MLLT10: variants seen among roughly 807,000 people sequenced by gnomAD.
The protein encoded by MLLT10 is MLLT10 histone lysine methyltransferase DOT1L cofactor, also known as protein AF-10.
Under a neutral mutation model 129.1 loss-of-function variants are expected in MLLT10, and 30 were observed. That is an observed-to-expected ratio of 0.23 (90% CI 0.17 to 0.32). MLLT10 has a LOEUF of 0.32. Ranked by LOEUF, MLLT10 falls within the 10% of genes least tolerant of loss-of-function variation. MLLT10 has a pLI of 1.00. For synonymous variants in MLLT10, 490 were observed against 446.4 expected, an observed-to-expected ratio of 1.10 and a Z score of -1.23; for missense variants, 1,119 against 1,268.3, an observed-to-expected ratio of 0.88 and a Z score of 1.79.
At position 21,681,128 on chromosome 10, in the gene MLLT10, A is replaced by G. The variant is rs1369511740; in HGVS notation, c.1622-204A>G. 5.3e-5 allele frequency among the ~76,000 whole-genome samples: 8 copies of G among 152,128 alleles called. No homozygotes were observed. The East Asian group carries it at 1.5e-3, about 29-fold the overall frequency. ...CAGATACATTCCACACACTCCCATT[A>G]AGATTTGTGAGAATTCTATTCTGTT... On this transcript the variant is annotated intron_variant, in intron 11 of 22. Coordinates refer to ENST00000307729, the MANE Select transcript of MLLT10 (RefSeq NM_001195626.3).
At chr10:21,698,822 T>C (rs968474770) in intron 13 of MLLT10, among the ~76,000 whole-genome samples, 2 of 152,142 alleles carry the variant, frequency 1.3e-5, no homozygotes, top group African/African-American at 2.4e-5. Flanking sequence ...CCCTGATGAT[T>C]AGTGATGTTG....
chr10:21,568,294 G>C (rs959086116), intron 3 of MLLT10, among the ~76,000 whole-genome samples: 3 of 152,168 alleles, frequency 2.0e-5, no homozygotes, highest in African/African-American at 7.2e-5. Flanking sequence ...CCACCTTTCA[G>C]AGAAAATTCG....
chr10:21,577,904 TA>T (rs1426015236), intron 3 of MLLT10, among the ~76,000 whole-genome samples: 25 of 152,152 alleles, frequency 1.6e-4, no homozygotes, highest in Admixed American at 3.9e-4. Context: ...TTCATTATAT[TA>T]TTTTTTTAGA....
chr10:21,549,512 C>A (rs2130940547), intron 3 of MLLT10, among the ~76,000 whole-genome samples: 1 of 152,222 alleles, frequency 6.6e-6, no homozygotes, highest in East Asian at 1.9e-4. Flanking sequence ...CTGTATCAGC[C>A]TTAGCACATA....
intron 13 of MLLT10, among the ~76,000 whole-genome samples, chr10:21,707,876 A>G (rs1341084557): frequency 6.6e-6 from 1 of 152,168 alleles, no homozygotes; most frequent in Non-Finnish European, 1.5e-5. Context: ...GGTCTTTTGG[A>G]CAAGTTTTTC....
chr10:21,716,102 T>TG (rs1436659511), intron 14 of MLLT10, among the ~76,000 whole-genome samples: 1 of 152,230 alleles, frequency 6.6e-6, no homozygotes, highest in Non-Finnish European at 1.5e-5. Context: ...GTAATGGTGT[T>TG]GAATGTGAAA....
chr10:21,567,930 G>A (rs754784428), intron 3 of MLLT10, among the ~76,000 whole-genome samples: 5 of 150,858 alleles, frequency 3.3e-5, no homozygotes, highest in East Asian at 3.9e-4. Flanking sequence ...AGCAATTCTC[G>A]TGCCTCAGCC....
chr10:21,735,604 C>A (rs904795534), intron 21 of MLLT10, among the ~76,000 whole-genome samples: 1 of 152,020 alleles, frequency 6.6e-6, no homozygotes, highest in Non-Finnish European at 1.5e-5. Flanking sequence ...CATAGGGAAC[C>A]GAGGACCATT....
rs1458522663 is a variant in MLLT10, at chr10:21,534,538, TGCCGGGCCGGGCGGGGGGC to T, written c.-1+25_-1+43del. The T allele has an allele frequency of 2.9e-5, 28 of 980,032 alleles. No homozygotes were observed. Among genetic ancestry groups the T allele is most frequent in the East Asian group, 8.3e-5 (1 of 12,104 alleles). 60.7% of individuals were successfully genotyped at this position (980,032 alleles called of 1,614,324 possible). On this transcript the variant is annotated intron_variant, in intron 1 of 22. Transcript: ENST00000307729. ...AAGCCCGAGTGAGCGAGCGGTGGGC[TGCCGGGCCGGGCGGGGGGC>T]GCCGGGGCGGGCTCGGGGGGCTGTG...
chr10:21,540,805 C>T (rs1471786895), intron 3 of MLLT10, among the ~76,000 whole-genome samples: 7 of 152,144 alleles, frequency 4.6e-5, no homozygotes, highest in Non-Finnish European at 7.3e-5. Flanking sequence ...ATTTTAGCTT[C>T]TTTACCTAGG....
chr10:21,574,927 A>G (rs1438337033), intron 3 of MLLT10, among the ~76,000 whole-genome samples: 3 of 151,958 alleles, frequency 2.0e-5, no homozygotes, highest in Non-Finnish European at 4.4e-5. Flanking sequence ...CCAGCCTCCT[A>G]TCTCATTCTG....
intron 8 of MLLT10, among the ~76,000 whole-genome samples, chr10:21,630,594 C>A (rs1166948784): frequency 6.6e-6 from 1 of 152,178 alleles, no homozygotes; most frequent in Non-Finnish European, 1.5e-5. Context: ...GTAATTCAGT[C>A]CACTGTGTGT....
chr10:21,649,888 G>A (rs1275551438), intron 8 of MLLT10, among the ~76,000 whole-genome samples: 4 of 152,174 alleles, frequency 2.6e-5, no homozygotes, highest in Non-Finnish European at 4.4e-5. Flanking sequence ...GATGAGAAGA[G>A]CAGTGATAAC....
At chr10:21,552,735 G>C (rs974894953) in intron 3 of MLLT10, among the ~76,000 whole-genome samples, 2 of 151,912 alleles carry the variant, frequency 1.3e-5, no homozygotes, top group African/African-American at 4.8e-5. Context: ...TATCGTATTA[G>C]GTCGTTTATA....
At chr10:21,559,240 C>G (rs931743522) in intron 3 of MLLT10, among the ~76,000 whole-genome samples, 2 of 152,132 alleles carry the variant, frequency 1.3e-5, no homozygotes, top group Admixed American at 6.6e-5. Context: ...TCCGCCACCA[C>G]GCCTGACTAA....
At chr10:21,678,795 T>C (rs1031006976) in intron 11 of MLLT10, among the ~76,000 whole-genome samples, 1 of 152,320 alleles carries the variant, frequency 6.6e-6, no homozygotes, top group African/African-American at 2.4e-5. Flanking sequence ...TAATCTCTTA[T>C]TTGAGTACGT....
chr10:21,727,945 C>G lies in MLLT10; in HGVS notation c.2063+17C>G. The G allele has an allele frequency of 6.2e-7, 1 of 1,610,938 alleles. No individual in the cohort carries two copies. Among genetic ancestry groups the G allele is most frequent in the Non-Finnish European group, 8.5e-7 (1 of 1,177,480 alleles). ...CTCGCCACGGTAAGCGCTATTTACA[C>G]TGCAAAGTATAGGCAAAGGAAACGT... On this transcript the variant is annotated intron_variant, in intron 16 of 22. Transcript: ENST00000307729.
At chr10:21,599,694 A>T (rs979176894) in intron 5 of MLLT10, among the ~76,000 whole-genome samples, 11 of 152,086 alleles carry the variant, frequency 7.2e-5, no homozygotes, top group African/African-American at 2.4e-4. Flanking sequence ...CCCTCTAAGT[A>T]TGTGGGACTA....
intron 13 of MLLT10, among the ~76,000 whole-genome samples, chr10:21,702,207 GA>G (rs2055000313): frequency 6.6e-6 from 1 of 152,218 alleles, no homozygotes; most frequent in Non-Finnish European, 1.5e-5. Flanking sequence ...TTACAGGCGT[GA>G]GCCACTGTGC....
Sources: allele counts gnomAD v4.1 joint callset (sites outside exome capture counted in the v4.1 genomes callset), GRCh38; gene constraint gnomAD v4.1.1; transcripts MANE v1.5; gene names NCBI Gene and HGNC (gene_info 2026-07-23, HGNC 2026-07-21).